DPP10: variants seen among roughly 807,000 people sequenced by gnomAD.
The protein encoded by DPP10 is inactive dipeptidyl peptidase 10.
In DPP10, 33 loss-of-function variants were observed where a neutral mutation model predicts 120.9. The ratio of observed to expected loss-of-function variants is 0.27; its 90% CI spans 0.21 to 0.37. The LOEUF is 0.37. DPP10 is among the 10% of genes least tolerant of loss of function. The probability of loss-of-function intolerance (pLI) is 1.00; values close to 1 mark genes in which losing one functional copy is unlikely to be tolerated. For synonymous variants in DPP10, 337 were observed against 326.1 expected, an observed-to-expected ratio of 1.03 and a Z score of -0.36; for missense variants, 816 against 942.8, an observed-to-expected ratio of 0.87 and a Z score of 1.76.
chr2:115,500,999 A>G (rs575776733), intron 4 of DPP10, among the ~76,000 whole-genome samples: 118 of 152,180 alleles, frequency 7.8e-4, no homozygotes, highest in African/African-American at 2.6e-3. Flanking sequence ...AATGATGAGA[A>G]GGTATGATGA....
intron 1 of DPP10, among the ~76,000 whole-genome samples, chr2:114,655,181 T>C (rs1696882667): frequency 6.6e-6 from 1 of 152,176 alleles, no homozygotes. Context: ...TGGTTGCTAT[T>C]ATGATTGGTA....
intron 1 of DPP10, among the ~76,000 whole-genome samples, chr2:115,241,162 A>G (rs1036330361): frequency 6.6e-6 from 1 of 152,114 alleles, no homozygotes; most frequent in Admixed American, 6.6e-5. Flanking sequence ...CCAGCTACTC[A>G]GGAGGCTGAG....
chr2:115,325,483 A>G (rs796782239), intron 2 of DPP10, among the ~76,000 whole-genome samples: 8 of 152,320 alleles, frequency 5.3e-5, no homozygotes, highest in African/African-American at 1.7e-4. Context: ...GGAAAAACAT[A>G]AACTTGTAAA....
chr2:114,464,438 G>A lies in DPP10; in HGVS notation c.60+21600G>A, dbSNP rs146026402. ...AGTTATTTTGCCCATTTTTAACTGG[G>A]TTATTTATTTTCTTATTGTTGATTT... On this transcript the variant is annotated intron_variant, in intron 1 of 25. Transcript: ENST00000410059. Among the ~76,000 whole-genome samples the A allele has an allele frequency of 7.0e-4, 106 of 152,010 alleles. 2 individuals carry two copies. The highest frequency in any genetic ancestry group is 2.5e-3 in the African/African-American group (105 of 41,448).
chr2:115,496,445 A>G (rs1474681639), intron 3 of DPP10, among the ~76,000 whole-genome samples: 2 of 152,116 alleles, frequency 1.3e-5, no homozygotes, highest in Admixed American at 1.3e-4. Context: ...AACTGATATT[A>G]AGTGTAGTCT....
intron 5 of DPP10, among the ~76,000 whole-genome samples, chr2:115,636,224 T>G (rs2086321386): frequency 1.3e-5 from 2 of 151,962 alleles, no homozygotes; most frequent in African/African-American, 4.8e-5. Context: ...CTCAAAAAGT[T>G]AATACTTTAA....
chr2:115,459,925 T>TTATATATATATATA (rs1553418431), intron 3 of DPP10, among the ~76,000 whole-genome samples: 8 of 130,128 alleles, frequency 6.1e-5, no homozygotes, highest in South Asian at 2.7e-4. Context: ...AACATATATT[T>TTATATATATATATA]TATATATATA....
chr2:115,024,833 ATGTG>A (rs1238269963), intron 1 of DPP10, among the ~76,000 whole-genome samples: 4 of 148,076 alleles, frequency 2.7e-5, no homozygotes, highest in African/African-American at 7.4e-5. Flanking sequence ...ATGGCCATAT[ATGTG>A]TGTGTGTGTA....
chr2:114,820,881 A>C (rs1443122235), intron 1 of DPP10, among the ~76,000 whole-genome samples: 2 of 152,192 alleles, frequency 1.3e-5, no homozygotes, highest in Non-Finnish European at 2.9e-5. Context: ...ATGTCCTCAC[A>C]TTTCAAAATG....
At chr2:115,116,938 C>T (rs966360096) in intron 1 of DPP10, among the ~76,000 whole-genome samples, 1 of 152,172 alleles carries the variant, frequency 6.6e-6, no homozygotes, top group African/African-American at 2.4e-5. Flanking sequence ...AAGAATTTAT[C>T]TTTTCTTGGA....
At position 115,011,792 on chromosome 2, in the gene DPP10, T is replaced by G. The variant is rs1468722513; in HGVS notation, c.61-297447T>G. ...AAGCTAAGAGAATCCACACACCCTT[T>G]GAAAGAATTGGATCATTGCTGCAGG... On this transcript the variant is annotated intron_variant, in intron 1 of 25. Coordinates refer to ENST00000410059, the MANE Select transcript of DPP10 (RefSeq NM_020868.6). Among the ~76,000 whole-genome samples the G allele has an allele frequency of 3.9e-5, 6 of 152,176 alleles. No homozygotes were observed. The South Asian group carries it at 1.0e-3, about 26-fold the overall frequency.
At chr2:114,748,338 C>CTTTTTTTTTTT (rs1255227047) in intron 1 of DPP10, among the ~76,000 whole-genome samples, 2 of 70,292 alleles carry the variant, frequency 2.8e-5, no homozygotes, top group South Asian at 4.8e-4. Flanking sequence ...AGGGAATTTT[C>CTTTTTTTTTTT]TTTTTTTTTT....
chr2:115,626,695 T>C (rs1349873553), intron 5 of DPP10, among the ~76,000 whole-genome samples: 1 of 152,178 alleles, frequency 6.6e-6, no homozygotes, highest in Non-Finnish European at 1.5e-5. Context: ...AATGCTTTAG[T>C]GTTGGATTTT....
chr2:115,575,942 A>G (rs1203921403), intron 5 of DPP10, among the ~76,000 whole-genome samples: 1 of 152,222 alleles, frequency 6.6e-6, no homozygotes, highest in Non-Finnish European at 1.5e-5. Flanking sequence ...CATAGACCTC[A>G]GCCCTACAAC....
intron 1 of DPP10, among the ~76,000 whole-genome samples, chr2:114,586,645 C>T (rs955342257): frequency 3.3e-5 from 5 of 152,136 alleles, no homozygotes; most frequent in Non-Finnish European, 7.3e-5. Context: ...GTTTGTTTGG[C>T]CCCACTGAGT....
chr2:115,343,858 G>A lies in DPP10; in HGVS notation c.217G>A (p.Asp73Asn). The change falls in exon 3 of 26, where the codon GAC becomes AAC. Residue 73 changes from aspartate to asparagine, a missense_variant. By Grantham distance (23) the Asp-to-Asn change is conservative. Transcript: ENST00000410059. ...NSSETRLSLEDLFRKDFVLHD... is the reference protein window; with the variant it reads ...NSSETRLSLENLFRKDFVLHD... ...GTCAGAAACCAGATTGTCTTTGGAAGACCTCTTTAGGAAAGACTTTGTGCT... is the reference window on the plus strand; with the variant it reads ...GTCAGAAACCAGATTGTCTTTGGAAAACCTCTTTAGGAAAGACTTTGTGCT... 1 of 1,612,130 alleles carries A rather than the reference G, an allele frequency of 6.2e-7. No homozygotes were observed.
At chr2:115,056,222 C>T (rs1705895755) in intron 1 of DPP10, among the ~76,000 whole-genome samples, 1 of 152,014 alleles carries the variant, frequency 6.6e-6, no homozygotes, top group Non-Finnish European at 1.5e-5. Context: ...CTATAATTTG[C>T]AGAAAATATA....
intron 1 of DPP10, among the ~76,000 whole-genome samples, chr2:114,747,888 A>G (rs2106018790): frequency 6.6e-6 from 1 of 152,280 alleles, no homozygotes; most frequent in South Asian, 2.1e-4. Context: ...CATTCCTCGG[A>G]GAATGTGCTC....
chr2:115,260,121 C>A (rs890243412), intron 1 of DPP10, among the ~76,000 whole-genome samples: 1 of 150,634 alleles, frequency 6.6e-6, no homozygotes, highest in Non-Finnish European at 1.5e-5. Flanking sequence ...GTATACATAA[C>A]AATTATATGT....
Sources: gnomAD v4.1 joint callset for allele counts (sites outside exome capture counted in the v4.1 genomes callset) on GRCh38, gnomAD v4.1.1 for gene constraint, MANE v1.5 for transcripts, NCBI Gene and HGNC (gene_info 2026-07-23, HGNC 2026-07-21) for gene names.